Variants in ATXN10 observed in about 807,000 individuals in gnomAD.
ATXN10 encodes ataxin 10, also known as ataxin-10.
In ATXN10, 28 loss-of-function variants were observed where a neutral mutation model predicts 52.9. The observed-to-expected ratio is 0.53, with a 90% CI of 0.39 to 0.73. ATXN10 has a LOEUF of 0.73. ATXN10 is among the 30% of genes least tolerant of loss of function. ATXN10 has a pLI of 0.00. For missense variants in ATXN10, 565 were observed against 577.0 expected, an observed-to-expected ratio of 0.98 and a Z score of 0.21; for synonymous variants, 226 against 221.5, an observed-to-expected ratio of 1.02 and a Z score of -0.18.
chr22:45,799,001 TAA>T (rs1160568596), intron 9 of ATXN10, among the ~76,000 whole-genome samples: 1 of 152,106 alleles, frequency 6.6e-6, no homozygotes, highest in Non-Finnish European at 1.5e-5. Flanking sequence ...TCAATATTGT[TAA>T]GTGTTAGATC....
chr22:45,748,785 G>A (rs1453621200), intron 9 of ATXN10, among the ~76,000 whole-genome samples: 1 of 152,134 alleles, frequency 6.6e-6, no homozygotes, highest in Non-Finnish European at 1.5e-5. Context: ...CCCAGATCAA[G>A]AAATATGTCA....
chr22:45,689,352 C>T, intron 1 of ATXN10: 2 of 331,896 alleles, frequency 6.0e-6, no homozygotes, highest in South Asian at 5.7e-5. Context: ...AGTGGAAGTG[C>T]TCAGGCCAGA....
Position 45,690,023 on chromosome 22 carries a change from A to C in ATXN10, c.308+120A>C. 1 of 1,035,428 alleles carries C rather than the reference A, an allele frequency of 9.7e-7. No homozygotes were observed. The highest frequency in any genetic ancestry group is 1.3e-5 in the South Asian group (1 of 74,976). 64.1% of individuals were successfully genotyped at this position (1,035,428 alleles called of 1,614,324 possible). A position where few individuals can be genotyped will look rare whatever the true frequency, so the allele number is the denominator to read the frequency against. ...TAAGGTGGCTCATGCCTGTAATCCCAGCATTTTGGGAGGCTGAGGCAGGAG... is the reference window on the plus strand; with the variant it reads ...TAAGGTGGCTCATGCCTGTAATCCCCGCATTTTGGGAGGCTGAGGCAGGAG... On this transcript the variant is annotated intron_variant, in intron 2 of 11. Transcript: ENST00000252934. The surrounding 1 kb of genome is among the most constrained non-coding windows in gnomAD (Gnocchi z 4.5).
intron 1 of ATXN10, 106 bp downstream of exon 1, chr22:45,672,285 C>G (rs1219550877): frequency 5.2e-5 from 62 of 1,183,088 alleles, no homozygotes; most frequent in Non-Finnish European, 6.3e-5. Flanking sequence ...GCTGGAGACG[C>G]GGAGGGCGAG....
rs79582221 is a variant in ATXN10, at chr22:45,718,527, A to G, written c.728+34A>G. 1.9e-6 allele frequency: 3 copies of G among 1,554,390 alleles called. No individual in the cohort carries two copies. The East Asian group carries it at 6.7e-5, about 35-fold the overall frequency. ...CCAACCAGCGTGGTCTGGAGTATTT[A>G]GCATTCCATATAGGGTATTCGATGC... On this transcript the variant is annotated intron_variant, in intron 6 of 11. Transcript: ENST00000252934. The surrounding 1 kb of genome is among the most constrained non-coding windows in gnomAD (Gnocchi z 4.4).
At position 45,689,774 on chromosome 22, in the gene ATXN10, C is replaced by T. The variant is rs35578543; in HGVS notation, c.179C>T (p.Ala60Val). Residue 60 changes from alanine to valine, a missense_variant, in exon 2 of 12, where the codon GCT (alanine) becomes GTT (valine). By Grantham distance (64) the Ala-to-Val change is moderately conservative. Coordinates refer to ENST00000252934, the MANE Select transcript of ATXN10 (RefSeq NM_013236.4). ...GATATCCTAAAGAAATCTTCTCATG[C>T]TGTTGAGCTTGCCTGCAGAGATCCA... Reference protein sequence around the residue: ...VLDILKKSSHAVELACRDPSQ... With the variant: ...VLDILKKSSHVVELACRDPSQ... The T allele has an allele frequency of 1.0e-4, 164 of 1,614,168 alleles. No individual in the cohort carries two copies. The African/African-American group carries it at 2.0e-3, about 20-fold the overall frequency.
intron 3 of ATXN10, 148 bp downstream of exon 3, chr22:45,693,226 A>G: frequency 5.4e-6 from 4 of 735,754 alleles, no homozygotes; most frequent in South Asian, 4.9e-5. Context: ...AAGAATTATA[A>G]AGTTGTATCA....
At chr22:45,674,539 C>T (rs967630678) in intron 1 of ATXN10, 4 of 152,214 alleles carry the variant, frequency 2.6e-5, no homozygotes, top group African/African-American at 9.7e-5. Context: ...TGAGAGGATC[C>T]CTCCAGTTCT....
Position 45,700,345 on chromosome 22 carries a change from T to C in ATXN10, c.455T>C (p.Ile152Thr), listed in dbSNP as rs1467587171. 2.5e-6 allele frequency: 4 copies of C among 1,614,154 alleles called. No individual in the cohort carries two copies. The highest frequency in any genetic ancestry group is 1.7e-5 in the Admixed American group (1 of 60,032). Reference protein sequence around the residue: ...IASRNEDSQSIVWVHAFPELF... With the variant: ...IASRNEDSQSTVWVHAFPELF... ...TCACGGAATGAAGATTCCCAGTCTATTGTTTGGGTGCATGCTTTCCCAGAA... is the reference window on the plus strand; with the variant it reads ...TCACGGAATGAAGATTCCCAGTCTACTGTTTGGGTGCATGCTTTCCCAGAA... The change falls in exon 4 of 12, where the codon ATT becomes ACT. Residue 152 changes from isoleucine (I) to threonine (T), a missense_variant. Ile to Thr is a moderately conservative substitution (Grantham distance 89). Coordinates refer to ENST00000252934, the MANE Select transcript of ATXN10 (RefSeq NM_013236.4).
intron 3 of ATXN10, among the ~76,000 whole-genome samples, chr22:45,698,981 A>G (rs1394873432): frequency 2.0e-5 from 3 of 152,178 alleles, no homozygotes; most frequent in Admixed American, 6.5e-5. Context: ...TTTTGTTACC[A>G]CACTTGAGGT....
rs1432549431 is a variant in ATXN10, at chr22:45,754,147, A to C, written c.1173+13609A>C. The stretch of plus-strand genomic sequence containing the variant: ...AGTGCAAAAGTGAGTCCTGTCAGCT[A>C]AGCAGGAGCTGCTGAGAGACGACCC... On this transcript the variant is annotated intron_variant, in intron 9 of 11. Transcript: ENST00000252934. The surrounding 1 kb of genome is among the most constrained non-coding windows in gnomAD (Gnocchi z 5.4). 6.6e-6 allele frequency among the ~76,000 whole-genome samples: 1 copy of C among 152,234 alleles called. No individual in the cohort carries two copies. Among genetic ancestry groups the C allele is most frequent in the Non-Finnish European group, 1.5e-5 (1 of 68,044 alleles).
At position 45,842,254 on chromosome 22, in the gene ATXN10, G is replaced by T. The variant is rs1929369676; in HGVS notation, c.1238-737G>T. Among the ~76,000 whole-genome samples, 1 of 152,152 alleles carries T rather than the reference G, an allele frequency of 6.6e-6. No individual in the cohort carries two copies. The highest frequency in any genetic ancestry group is 2.1e-4 in the South Asian group (1 of 4,822). On this transcript the variant is annotated intron_variant, in intron 10 of 11. Transcript: ENST00000252934. This position sits in a 1 kb window ranked among gnomAD's most constrained non-coding sequence, Gnocchi z 4.8. Reference sequence around the variant, plus strand: ...GCATGAGGTTTACATGGCTCTTGGTGATTAAATCAAATGCCCTACTCAGTG... The same window carrying T: ...GCATGAGGTTTACATGGCTCTTGGTTATTAAATCAAATGCCCTACTCAGTG...
intron 6 of ATXN10, among the ~76,000 whole-genome samples, chr22:45,721,203 A>G (rs948335829): frequency 1.3e-5 from 2 of 152,212 alleles, no homozygotes; most frequent in African/African-American, 4.8e-5. Flanking sequence ...ATGAGAGCCT[A>G]CATTTACATA....
Position 45,786,218 on chromosome 22 carries a change from G to A in ATXN10, c.1174-20741G>A, listed in dbSNP as rs1050097621. On this transcript the variant is annotated intron_variant, in intron 9 of 11. Coordinates refer to ENST00000252934, the MANE Select transcript of ATXN10 (RefSeq NM_013236.4). The surrounding 1 kb of genome is among the most constrained non-coding windows in gnomAD (Gnocchi z 4.1). ...TAATCACATTGTGTTTTGTACTTCC[G>A]GGTACTTTAAGAGCCTCTGCCATTA... is the stretch of plus-strand genomic sequence containing the variant. 3.3e-5 allele frequency among the ~76,000 whole-genome samples: 5 copies of A among 152,104 alleles called. No homozygotes were observed. The highest frequency in any genetic ancestry group is 1.3e-4 in the Admixed American group (2 of 15,270).
intron 3 of ATXN10, among the ~76,000 whole-genome samples, chr22:45,694,063 G>T (rs1469483600): frequency 1.3e-5 from 2 of 152,124 alleles, no homozygotes; most frequent in Non-Finnish European, 2.9e-5. Flanking sequence ...CTCACATTCC[G>T]TTGAGGGGAA....
intron 10 of ATXN10, among the ~76,000 whole-genome samples, chr22:45,814,988 G>A (rs944770609): frequency 6.6e-6 from 1 of 152,184 alleles, no homozygotes; most frequent in Non-Finnish European, 1.5e-5. Flanking sequence ...CATGAAACAA[G>A]TCCCTGGTGC....
rs113003257 is a variant in ATXN10, at chr22:45,705,440, G to GT, written c.647+2604dup. ...AACCTGTTACTTGTTACAGGTCTTG[G>GT]TTTTTTTTTTTGAGACGGAGTCTCA... On this transcript the variant is annotated intron_variant, in intron 5 of 11. Coordinates refer to ENST00000252934, the MANE Select transcript of ATXN10 (RefSeq NM_013236.4). This position sits in a 1 kb window ranked among gnomAD's most constrained non-coding sequence, Gnocchi z 5.2. 0.057 allele frequency among the ~76,000 whole-genome samples: 8,417 copies of GT among 146,536 alleles called. 242 individuals are homozygous for GT. Among genetic ancestry groups the GT allele is most frequent in the African/African-American group, 0.08 (3,236 of 40,224 alleles).
intron 3 of ATXN10, among the ~76,000 whole-genome samples, chr22:45,697,962 T>C (rs746756705): frequency 5.3e-5 from 8 of 152,224 alleles, no homozygotes; most frequent in Non-Finnish European, 1.0e-4. Flanking sequence ...TCATCCACCT[T>C]GTAGTGTGTA....
chr22:45,801,470 C>CT (rs988213156), intron 9 of ATXN10, among the ~76,000 whole-genome samples: 104 of 152,288 alleles, frequency 6.8e-4, no homozygotes, highest in African/African-American at 2.4e-3. Context: ...ATGCCCACTG[C>CT]TAAGTGGCAC....
Sources: gnomAD v4.1 joint callset for allele counts (sites outside exome capture counted in the v4.1 genomes callset) on GRCh38, gnomAD v4.1.1 for gene constraint, Gnocchi (gnomAD v3.1) non-coding constraint, MANE v1.5 for transcripts, NCBI Gene and HGNC (gene_info 2026-07-23, HGNC 2026-07-21) for gene names.